ARID5B: variants seen among roughly 807,000 people sequenced by gnomAD.
The protein encoded by ARID5B is AT-rich interactive domain-containing protein 5B.
Under a neutral mutation model 97.2 loss-of-function variants are expected in ARID5B, and 13 were observed. That is an observed-to-expected ratio of 0.13 (90% CI 0.09 to 0.21). ARID5B has a LOEUF of 0.21. ARID5B is among the 10% of genes least tolerant of loss of function. ARID5B has a pLI of 1.00. For missense variants in ARID5B, 1,210 were observed against 1,465.3 expected, an observed-to-expected ratio of 0.83 and a Z score of 2.84; for synonymous variants, 556 against 570.3, an observed-to-expected ratio of 0.97 and a Z score of 0.36.
At chr10:61,903,074 C>G (rs1185671618) in intron 2 of ARID5B, among the ~76,000 whole-genome samples, 2 of 152,166 alleles carry the variant, frequency 1.3e-5, no homozygotes, top group African/African-American at 4.8e-5. Flanking sequence ...ATCTCTCGCC[C>G]ACTCCCCCTC....
intron 3 of ARID5B, among the ~76,000 whole-genome samples, chr10:61,966,026 A>T (rs1326950221): frequency 1.3e-5 from 2 of 152,154 alleles, no homozygotes; most frequent in Non-Finnish European, 1.5e-5. Context: ...CCCATTACAA[A>T]TGTAATATGT....
chr10:62,083,292 A>G (rs2132974209), intron 8 of ARID5B, among the ~76,000 whole-genome samples: 1 of 142,746 alleles, frequency 7.0e-6, no homozygotes, highest in Non-Finnish European at 1.5e-5. Flanking sequence ...GAGAAAAAAA[A>G]AAAAAAATGA....
In ARID5B at chr10:62,092,453, T is replaced by C; in HGVS notation, c.2990T>C (p.Leu997Pro). The change falls in exon 10 of 10, where the codon CTG becomes CCG. Residue 997 changes from leucine to proline, a missense_variant. This residue lies in a region of ARID5B where 800 missense variants were observed against 839.1 expected (regional missense o/e 0.95). Transcript: ENST00000279873. ...ATGGAAGGCATGGTCCACCCAATCC[T>C]GCACCGGAAAATGAGCCCGCAGAAC... ...RKMEGMVHPILHRKMSPQNIG... is the reference protein window; with the variant it reads ...RKMEGMVHPIPHRKMSPQNIG... 1 of 1,614,176 alleles carries C rather than the reference T, an allele frequency of 6.2e-7. No homozygotes were observed. The highest frequency in any genetic ancestry group is 8.5e-7 in the Non-Finnish European group (1 of 1,180,008).
intron 2 of ARID5B, among the ~76,000 whole-genome samples, chr10:61,909,869 A>T (rs1843773473): frequency 1.3e-5 from 2 of 152,228 alleles, no homozygotes; most frequent in African/African-American, 4.8e-5. Flanking sequence ...CTCACCAAAG[A>T]AACAAGCAAA....
In ARID5B at chr10:62,000,430, C is replaced by T. The variant is rs1337837408; in HGVS notation, c.733+109C>T. On this transcript the variant is annotated intron_variant, in intron 4 of 9. Coordinates refer to ENST00000279873, the MANE Select transcript of ARID5B (RefSeq NM_032199.3). This position sits in a 1 kb window ranked among gnomAD's most constrained non-coding sequence, Gnocchi z 4.4. ...GAACGGGGCTCACTTTCACAAGCCC[C>T]ATGTGCTGCCCCACCCCTCCCATCC... 8 of 1,024,270 alleles carry T rather than the reference C, an allele frequency of 7.8e-6. No homozygotes were observed. The highest frequency in any genetic ancestry group is 2.5e-5 in the Admixed American group (1 of 40,704). 63.4% of individuals were successfully genotyped at this position (1,024,270 alleles called of 1,614,324 possible). A position where few individuals can be genotyped will look rare whatever the true frequency, so the allele number is the denominator to read the frequency against.
chr10:62,023,354 G>A (rs956007866), intron 4 of ARID5B, among the ~76,000 whole-genome samples: 2 of 152,156 alleles, frequency 1.3e-5, no homozygotes, highest in Non-Finnish European at 2.9e-5. Flanking sequence ...AACTGAGTGG[G>A]CCTGAAAGAA....
chr10:62,031,579 T>C (rs751522424), intron 4 of ARID5B, among the ~76,000 whole-genome samples: 6 of 152,224 alleles, frequency 3.9e-5, no homozygotes, highest in Non-Finnish European at 7.3e-5. Context: ...ATACCATTGG[T>C]TGGCTTTCAC....
At chr10:61,953,247 G>T (rs1279903440) in intron 3 of ARID5B, among the ~76,000 whole-genome samples, 1 of 152,170 alleles carries the variant, frequency 6.6e-6, no homozygotes, top group Non-Finnish European at 1.5e-5. Flanking sequence ...AATGCTTCAT[G>T]CCTGGCCTAT....
At chr10:62,084,562 A>G (rs1022286121) in intron 8 of ARID5B, among the ~76,000 whole-genome samples, 1 of 152,218 alleles carries the variant, frequency 6.6e-6, no homozygotes, top group Admixed American at 6.5e-5. Flanking sequence ...TAAAGTTCAT[A>G]TTTTTAAGGC....
At chr10:61,956,746 A>G (rs1310019483) in intron 3 of ARID5B, among the ~76,000 whole-genome samples, 1 of 152,200 alleles carries the variant, frequency 6.6e-6, no homozygotes, top group East Asian at 1.9e-4. Flanking sequence ...TCTGTATTTA[A>G]AGAAAAGGTG....
chr10:62,074,563 AAT>A (rs1840103717), intron 8 of ARID5B, among the ~76,000 whole-genome samples: 1 of 152,178 alleles, frequency 6.6e-6, no homozygotes, highest in Non-Finnish European at 1.5e-5. Context: ...AAGGACCAAA[AAT>A]ATATCAGGTT....
intron 3 of ARID5B, among the ~76,000 whole-genome samples, chr10:61,987,558 G>C (rs1392639030): frequency 6.6e-6 from 1 of 152,230 alleles, no homozygotes; most frequent in African/African-American, 2.4e-5. Flanking sequence ...TCAAGGGTCA[G>C]CAGAGCCAGA....
In ARID5B at chr10:62,091,382, A is replaced by G. The variant is rs150157555; in HGVS notation, c.1919A>G (p.Asn640Ser). The change falls in exon 10 of 10, where the codon AAT (asparagine) becomes AGT (serine). Residue 640 changes from asparagine (N) to serine (S), a missense_variant. Physicochemically the swap from Asn to Ser is conservative, Grantham distance 46. This residue lies in a region of ARID5B where 800 missense variants were observed against 839.1 expected (regional missense o/e 0.95). Coordinates refer to ENST00000279873, the MANE Select transcript of ARID5B (RefSeq NM_032199.3). ...CAGCTGGGCAGTGACGACATCCACA[A>G]TGCGCTCAAGCAGACCCCAAAGGTC... ...VDQLGSDDIH[N>S]ALKQTPKVLV... is the part of the protein sequence containing the mutation. 46 of 1,614,032 alleles carry G rather than the reference A, an allele frequency of 2.9e-5. No individual in the cohort carries two copies. Among genetic ancestry groups the G allele is most frequent in the South Asian group, 9.9e-5 (9 of 91,080 alleles).
intron 3 of ARID5B, among the ~76,000 whole-genome samples, chr10:61,992,486 T>C (rs1416483257): frequency 6.6e-6 from 1 of 152,232 alleles, no homozygotes; most frequent in Non-Finnish European, 1.5e-5. Flanking sequence ...TGTATTTGTC[T>C]ATGCCTCTAT....
intron 3 of ARID5B, among the ~76,000 whole-genome samples, chr10:61,954,942 G>T (rs905471852): frequency 7.9e-5 from 12 of 151,630 alleles, no homozygotes; most frequent in Admixed American, 4.6e-4. Context: ...GGAGGCGGAG[G>T]TCATGGTGAG....
chr10:61,919,414 C>A (rs1195909912), intron 2 of ARID5B, among the ~76,000 whole-genome samples: 1 of 152,168 alleles, frequency 6.6e-6, no homozygotes, highest in South Asian at 2.1e-4. Context: ...GTATTCCAAT[C>A]CAACTCTGAA....
At position 62,094,062 on chromosome 10, in the gene ARID5B, A is replaced by G. The variant is rs3802669; in HGVS notation, c.*1032A>G. Reference sequence around the variant, plus strand: ...GCTGTGAAACTGTCCTACATACCAGAGAATCATAAAAACAAAAACCTCACT... The same window carrying G: ...GCTGTGAAACTGTCCTACATACCAGGGAATCATAAAAACAAAAACCTCACT... On this transcript the variant is annotated 3_prime_UTR_variant, in exon 10 of 10. Transcript: ENST00000279873. 2.5e-3 allele frequency: 573 copies of G among 233,662 alleles called. 17 individuals carry two copies. In the East Asian group the frequency reaches 0.033, roughly 13 times the overall value. 14.5% of individuals were successfully genotyped at this position (233,662 alleles called of 1,614,324 possible). A position where few individuals can be genotyped will look rare whatever the true frequency, so the allele number is the denominator to read the frequency against.
At chr10:61,969,070 T>C (rs1458156569) in intron 3 of ARID5B, among the ~76,000 whole-genome samples, 1 of 152,200 alleles carries the variant, frequency 6.6e-6, no homozygotes, top group African/African-American at 2.4e-5. Flanking sequence ...GCCACAACTG[T>C]CTTCTGCTGT....
chr10:61,922,067 A>G (rs146667437), intron 2 of ARID5B, among the ~76,000 whole-genome samples: 454 of 152,306 alleles, frequency 3.0e-3, no homozygotes, highest in African/African-American at 9.9e-3. Flanking sequence ...TCTTCAGGGC[A>G]TATAACTATA....
Sources: allele counts gnomAD v4.1 joint callset (sites outside exome capture counted in the v4.1 genomes callset), GRCh38; gene constraint gnomAD v4.1.1; regional missense constraint gnomAD v4.1.1; non-coding constraint Gnocchi (gnomAD v3.1); transcripts MANE v1.5; gene names NCBI Gene and HGNC (gene_info 2026-07-23, HGNC 2026-07-21).